PPP4R3A: variants seen among roughly 807,000 people sequenced by gnomAD.
PPP4R3A encodes the protein protein phosphatase 4 regulatory subunit 3A, also known as serine/threonine-protein phosphatase 4 regulatory subunit 3A.
Under a neutral mutation model 91.7 loss-of-function variants are expected in PPP4R3A, and 15 were observed. The ratio of observed to expected loss-of-function variants is 0.16; its 90% CI spans 0.11 to 0.25. The LOEUF (loss-of-function observed/expected upper bound fraction) is 0.25, where lower values mean the gene tolerates loss of function less well. Ranked by LOEUF, PPP4R3A falls within the 10% of genes least tolerant of loss-of-function variation. The pLI is 1.00. For synonymous variants in PPP4R3A, 377 were observed against 348.7 expected, an observed-to-expected ratio of 1.08 and a Z score of -0.91; for missense variants, 623 against 998.4, an observed-to-expected ratio of 0.62 and a Z score of 5.07.
At chr14:91,506,853 G>A (rs1891322512) in intron 1 of PPP4R3A, among the ~76,000 whole-genome samples, 1 of 152,170 alleles carries the variant, frequency 6.6e-6, no homozygotes, top group Admixed American at 6.5e-5. Context: ...CCCAGCCTAA[G>A]TCCATTCTTT....
intron 1 of PPP4R3A, among the ~76,000 whole-genome samples, chr14:91,492,396 C>T: frequency 6.6e-6 from 1 of 152,188 alleles, no homozygotes; most frequent in Non-Finnish European, 1.5e-5. Context: ...ATTTAGTTTG[C>T]TTTTACATCA....
Position 91,502,054 on chromosome 14 carries a change from T to A in PPP4R3A, c.142+7452A>T, listed in dbSNP as rs552426840. On this transcript the variant is annotated intron_variant, in intron 1 of 14. Coordinates refer to ENST00000554943, the MANE Select transcript of PPP4R3A (RefSeq NM_001366432.2). ...AAGTATGCTTTAAACCCGTAACAGGTATGTGCTCCAAGTCCTTCTTTCCTG... is the reference window on the plus strand; with the variant it reads ...AAGTATGCTTTAAACCCGTAACAGGAATGTGCTCCAAGTCCTTCTTTCCTG... Among the ~76,000 whole-genome samples the A allele has an allele frequency of 1.4e-4, 21 of 151,860 alleles. No homozygotes were observed. In the East Asian group the frequency reaches 2.3e-3, roughly 17 times the overall value.
At chr14:91,505,137 C>T (rs925941186) in intron 1 of PPP4R3A, among the ~76,000 whole-genome samples, 1 of 152,082 alleles carries the variant, frequency 6.6e-6, no homozygotes, top group African/African-American at 2.4e-5. Context: ...TGTTGTCATC[C>T]TTTCTGAGAG....
chr14:91,470,718 GCTAGTATTACGAC>G, intron 10 of PPP4R3A, 106 bp downstream of exon 10: 1 of 1,112,426 alleles, frequency 9.0e-7, no homozygotes, highest in African/African-American at 1.6e-5. Context: ...CAGTGGCAGA[GCTAGTATTACGAC>G]CTAGATCTCC....
At chr14:91,461,711 T>A in intron 13 of PPP4R3A, 104 bp from the exon 14 acceptor site, 2 of 1,156,532 alleles carry the variant, frequency 1.7e-6, no homozygotes, top group Middle Eastern at 3.0e-4. Flanking sequence ...CTACGCTGGG[T>A]AGAAACATTG....
At chr14:91,479,380 G>C (rs1473886953) in intron 4 of PPP4R3A, among the ~76,000 whole-genome samples, 2 of 144,928 alleles carry the variant, frequency 1.4e-5, no homozygotes, top group Non-Finnish European at 3.0e-5. Flanking sequence ...TTATTTTTTT[G>C]TTGTTGAGAT....
chr14:91,498,865 G>A (rs1184904084), intron 1 of PPP4R3A, among the ~76,000 whole-genome samples: 5 of 144,530 alleles, frequency 3.5e-5, no homozygotes, highest in Non-Finnish European at 4.5e-5. Context: ...AGTGAGCCGA[G>A]ATGGCACCAC....
At chr14:91,464,429 T>C (rs1477105631) in intron 11 of PPP4R3A, among the ~76,000 whole-genome samples, 2 of 150,882 alleles carry the variant, frequency 1.3e-5, no homozygotes, top group African/African-American at 4.9e-5. Context: ...ATGGTTAAAA[T>C]AGCAAGTTTA....
In PPP4R3A at chr14:91,465,334, T is replaced by C; in HGVS notation, c.1746A>G (p.Pro582=). 1 of 1,609,960 alleles carries C rather than the reference T, an allele frequency of 6.2e-7. No individual in the cohort carries two copies. Among genetic ancestry groups the C allele is most frequent in the Non-Finnish European group, 8.5e-7 (1 of 1,178,916 alleles). The change falls in exon 11 of 15, where the codon CCA becomes CCG. Residue 582 remains proline, a synonymous_variant. Transcript: ENST00000554943. ...RYIMKSFLFE[P]VVKAFLNNGS... ...CATTGTTGAGAAATGCTTTCACTAC[T>C]GGTTCAAACAAAAAACTTTTCATTA...
At chr14:91,494,017 G>A (rs1028085448) in intron 1 of PPP4R3A, among the ~76,000 whole-genome samples, 1 of 144,536 alleles carries the variant, frequency 6.9e-6, no homozygotes. Flanking sequence ...GCCCGCCTCG[G>A]CAGGCAGGTG....
intron 14 of PPP4R3A, among the ~76,000 whole-genome samples, chr14:91,460,072 C>T (rs1005063646): frequency 3.9e-5 from 6 of 152,006 alleles, no homozygotes; most frequent in Non-Finnish European, 8.8e-5. Context: ...AGTGCAGTGG[C>T]GCCATCTCAG....
chr14:91,505,038 C>T (rs1012653719), intron 1 of PPP4R3A, among the ~76,000 whole-genome samples: 1 of 152,178 alleles, frequency 6.6e-6, no homozygotes, highest in Non-Finnish European at 1.5e-5. Flanking sequence ...AACGCTTTGT[C>T]ATTACTAAGT....
intron 2 of PPP4R3A, among the ~76,000 whole-genome samples, chr14:91,489,643 GC>G (rs1890117124): frequency 6.6e-6 from 1 of 152,050 alleles, no homozygotes; most frequent in South Asian, 2.1e-4. Flanking sequence ...CTTAAGATGT[GC>G]TTTTACTCTT....
chr14:91,494,050 G>A (rs1890394034), intron 1 of PPP4R3A, among the ~76,000 whole-genome samples: 1 of 151,626 alleles, frequency 6.6e-6, no homozygotes. Context: ...TCAGCAGTTC[G>A]AGACCAGCCT....
At chr14:91,505,156 A>T (rs1053604994) in intron 1 of PPP4R3A, among the ~76,000 whole-genome samples, 1 of 151,930 alleles carries the variant, frequency 6.6e-6, no homozygotes. Flanking sequence ...AGAACTTATT[A>T]AAAAAAAGAA....
rs149300383 is a variant in PPP4R3A, at chr14:91,481,654, C to T, written c.837G>A (p.Ser279=). Residue 279 remains serine, a synonymous_variant, in exon 4 of 15, where the codon TCG becomes TCA. Transcript: ENST00000554943. ...TTGATAACATGTTTTCTTCAAAGAC[C>T]GAAGGAGTTGGTAGAACCATATCTT... The part of the protein sequence containing the change: ...YIQDMVLPTP[S]VFEENMLSTL... The T allele has an allele frequency of 4.1e-4, 653 of 1,609,582 alleles. 3 individuals carry two copies. The East Asian group carries it at 7.2e-3, about 18-fold the overall frequency.
At chr14:91,482,914 TAG>T (rs1889658731) in intron 3 of PPP4R3A, among the ~76,000 whole-genome samples, 1 of 152,082 alleles carries the variant, frequency 6.6e-6, no homozygotes, top group Admixed American at 6.6e-5. Flanking sequence ...CTATATGTAG[TAG>T]AGTTATTCCC....
rs1889571880 is a variant in PPP4R3A, at chr14:91,481,807, A to G, written c.684T>C (p.Pro228=). 1.9e-6 allele frequency: 3 copies of G among 1,614,046 alleles called. No individual in the cohort carries two copies. The highest frequency in any genetic ancestry group is 1.7e-5 in the Admixed American group (1 of 59,996). The change falls in exon 4 of 15, where the codon CCT becomes CCC. Residue 228 remains proline (P), a synonymous_variant. Coordinates refer to ENST00000554943, the MANE Select transcript of PPP4R3A (RefSeq NM_001366432.2). ...MDVIGCLEYD[P]ALSQPRKHRE... ...TGTGTTTTCGTGGTTGTGATAAAGC[A>G]GGATCATATTCTAAACATCCAATGA...
At chr14:91,494,300 G>C (rs768287446) in intron 1 of PPP4R3A, among the ~76,000 whole-genome samples, 2 of 151,936 alleles carry the variant, frequency 1.3e-5, no homozygotes, top group Non-Finnish European at 2.9e-5. Context: ...CTATATAAAA[G>C]AAAAAATTGG....
Sources: gnomAD v4.1 joint callset for allele counts (sites outside exome capture counted in the v4.1 genomes callset) on GRCh38, gnomAD v4.1.1 for gene constraint, MANE v1.5 for transcripts, NCBI Gene and HGNC (gene_info 2026-07-23, HGNC 2026-07-21) for gene names.